Variants in RPAP2 observed in about 807,000 individuals in gnomAD.
RPAP2 encodes the protein putative RNA polymerase II subunit B1 CTD phosphatase RPAP2.
RPAP2 carries 52 observed loss-of-function variants against 73.1 expected under a neutral mutation model. The observed-to-expected ratio is 0.71, with a 90% CI of 0.57 to 0.90. The LOEUF (loss-of-function observed/expected upper bound fraction) is 0.90, where lower values mean the gene tolerates loss of function less well. Ranked by LOEUF, RPAP2 falls within the 40% of genes least tolerant of loss-of-function variation. The probability of loss-of-function intolerance (pLI) is 0.00; values close to 1 mark genes in which losing one functional copy is unlikely to be tolerated. For synonymous variants in RPAP2, 225 were observed against 242.1 expected, an observed-to-expected ratio of 0.93 and a Z score of 0.65; for missense variants, 598 against 701.8, an observed-to-expected ratio of 0.85 and a Z score of 1.67.
At chr1:92,361,403 A>G (rs1654728443) in intron 11 of RPAP2, among the ~76,000 whole-genome samples, 2 of 152,208 alleles carry the variant, frequency 1.3e-5, no homozygotes, top group South Asian at 4.1e-4. Context: ...ATACATCAAA[A>G]GAATGAATGG....
At position 92,399,683 on chromosome 1, in the gene RPAP2, T is replaced by C. The variant is rs1167210162; in HGVS notation, c.*12672T>C. The C allele has an allele frequency of 1.3e-5, 2 of 152,346 alleles. No homozygotes were observed. The highest frequency in any genetic ancestry group is 6.8e-3 in the Middle Eastern group (2 of 294). The allele number at this position is 152,346 out of a possible 1,614,324, so 9.4% of individuals were successfully genotyped here. On this transcript the variant is annotated 3_prime_UTR_variant, in exon 13 of 13. Coordinates refer to ENST00000610020, the MANE Select transcript of RPAP2 (RefSeq NM_024813.3). ...GTAATACCCATCTTCATTTTTTATA[T>C]GAAAAAGCATAGCCTATGATCTGTC...
At chr1:92,345,773 G>C in intron 10 of RPAP2, 73 bp from the exon 11 acceptor site, 1 of 923,306 alleles carries the variant, frequency 1.1e-6, no homozygotes, top group Non-Finnish European at 1.7e-6. Context: ...TTATAAATCT[G>C]ATGTTATCTA....
intron 11 of RPAP2, among the ~76,000 whole-genome samples, chr1:92,372,558 T>C (rs1655197816): frequency 6.6e-6 from 1 of 152,168 alleles, no homozygotes; most frequent in Non-Finnish European, 1.5e-5. Flanking sequence ...GGCAGGAAGA[T>C]GCAGAATGTG....
chr1:92,364,366 C>CA (rs1347934105), intron 11 of RPAP2, among the ~76,000 whole-genome samples: 2 of 152,042 alleles, frequency 1.3e-5, no homozygotes, highest in East Asian at 3.9e-4. Flanking sequence ...TTCAAAAAAT[C>CA]AAGACAAATA....
intron 12 of RPAP2, among the ~76,000 whole-genome samples, chr1:92,384,940 A>G (rs1049668811): frequency 2.0e-5 from 3 of 152,144 alleles, no homozygotes; most frequent in African/African-American, 4.8e-5. Flanking sequence ...GCTTGAGCCC[A>G]GGAGTTCAAG....
At chr1:92,313,270 T>C (rs1651703029) in intron 6 of RPAP2, among the ~76,000 whole-genome samples, 1 of 152,164 alleles carries the variant, frequency 6.6e-6, no homozygotes, top group African/African-American at 2.4e-5. Flanking sequence ...CAACTATACC[T>C]TTAGGAAATG....
chr1:92,305,450 A>AAAAAAAAAAAAAAAAAAAAAAAAAC (rs1202528088), intron 5 of RPAP2, among the ~76,000 whole-genome samples: 2 of 141,852 alleles, frequency 1.4e-5, no homozygotes, highest in African/African-American at 5.9e-5. Context: ...AAAAAAAAAA[A>AAAAAAAAAAAAAAAAAAAAAAAAAC]AGACAATATG....
chr1:92,309,799 T>G (rs374753142), intron 6 of RPAP2, among the ~76,000 whole-genome samples: 1 of 152,198 alleles, frequency 6.6e-6, no homozygotes, highest in African/African-American at 2.4e-5. Flanking sequence ...TGGGAATGGG[T>G]TGGGATATTG....
intron 10 of RPAP2, among the ~76,000 whole-genome samples, chr1:92,337,790 C>A (rs1456014540): frequency 1.3e-5 from 2 of 152,004 alleles, no homozygotes; most frequent in Non-Finnish European, 2.9e-5. Context: ...CATTGATTTT[C>A]ATTCATCGTC....
rs1651299879 is a variant in RPAP2, at chr1:92,307,170, T to C, written c.400-18T>C. On this transcript the variant is annotated intron_variant, in intron 5 of 12. Transcript: ENST00000610020. ...TTTCATGATAAGAAAAAAACTAGAT[T>C]TATAATGTTCTTTTCAGTCTTTTTG... The C allele has an allele frequency of 6.4e-7, 1 of 1,560,852 alleles. No individual in the cohort carries two copies. Among genetic ancestry groups the C allele is most frequent in the South Asian group, 1.1e-5 (1 of 88,192 alleles).
chr1:92,373,565 A>G (rs982214999), intron 11 of RPAP2, among the ~76,000 whole-genome samples: 10 of 151,834 alleles, frequency 6.6e-5, no homozygotes, highest in African/African-American at 2.4e-4. Flanking sequence ...GATAGTATAT[A>G]AAGCATTACA....
intron 11 of RPAP2, among the ~76,000 whole-genome samples, chr1:92,374,226 G>A (rs528548428): frequency 6.6e-6 from 1 of 152,230 alleles, no homozygotes; most frequent in South Asian, 2.1e-4. Context: ...AAGAGGAGGA[G>A]AATTCTAGGA....
intron 11 of RPAP2, among the ~76,000 whole-genome samples, chr1:92,364,589 A>G (rs1237395689): frequency 6.6e-6 from 1 of 152,136 alleles, no homozygotes; most frequent in Non-Finnish European, 1.5e-5. Flanking sequence ...TTGCCTTTCA[A>G]ATGGCCCCTT....
intron 9 of RPAP2, among the ~76,000 whole-genome samples, chr1:92,335,681 T>A (rs1412642973): frequency 6.6e-6 from 1 of 152,184 alleles, no homozygotes; most frequent in Non-Finnish European, 1.5e-5. Flanking sequence ...ACTTCACATC[T>A]ATCATGAATA....
chr1:92,360,343 G>A (rs71650487), intron 11 of RPAP2, among the ~76,000 whole-genome samples: 4 of 152,310 alleles, frequency 2.6e-5, no homozygotes, highest in Non-Finnish European at 5.9e-5. Context: ...GATAGGAGTG[G>A]AGACCAGATT....
Position 92,324,056 on chromosome 1 carries a change from C to T in RPAP2, c.1136C>T (p.Thr379Ile), listed in dbSNP as rs1652477508. 6.2e-7 allele frequency: 1 copy of T among 1,613,858 alleles called. No individual in the cohort carries two copies. The highest frequency in any genetic ancestry group is 1.1e-5 in the South Asian group (1 of 91,076). Residue 379 changes from threonine to isoleucine, a missense_variant, in exon 8 of 13, where the codon ACA (threonine) becomes ATA (isoleucine). By Grantham distance (89) the Thr-to-Ile change is moderately conservative (BLOSUM62 -1). Transcript: ENST00000610020. ...AAGGAGACTTTGATTGAGTGGAAGACAGAAGAAACATTGAGGTTTTTGTAT... is the reference window on the plus strand; with the variant it reads ...AAGGAGACTTTGATTGAGTGGAAGATAGAAGAAACATTGAGGTTTTTGTAT... ...VLKETLIEWK[T>I]EETLRFLYGQ... is the part of the protein sequence containing the mutation.
At chr1:92,368,690 A>G (rs189151285) in intron 11 of RPAP2, among the ~76,000 whole-genome samples, 2 of 152,318 alleles carry the variant, frequency 1.3e-5, no homozygotes, top group Admixed American at 1.3e-4. Context: ...TCTTCTTACT[A>G]CTGTATATAA....
At chr1:92,335,761 T>C (rs1653245883) in intron 9 of RPAP2, among the ~76,000 whole-genome samples, 1 of 152,202 alleles carries the variant, frequency 6.6e-6, no homozygotes, top group Admixed American at 6.5e-5. Context: ...TATAGCATAA[T>C]TTATCTAACC....
At chr1:92,359,604 G>A (rs1460077457) in intron 11 of RPAP2, among the ~76,000 whole-genome samples, 3 of 152,364 alleles carry the variant, frequency 2.0e-5, no homozygotes, top group Middle Eastern at 3.4e-3. Flanking sequence ...ATAGGCATGA[G>A]CCATCGTGCC....
Sources: allele counts gnomAD v4.1 joint callset (sites outside exome capture counted in the v4.1 genomes callset), GRCh38; gene constraint gnomAD v4.1.1; transcripts MANE v1.5; gene names NCBI Gene and HGNC (gene_info 2026-07-23, HGNC 2026-07-21).